PLPPR1: variants seen among roughly 807,000 people sequenced by gnomAD.
PLPPR1 encodes phospholipid phosphatase related 1.
PLPPR1 carries 10 observed loss-of-function variants against 33.1 expected under a neutral mutation model. The ratio of observed to expected loss-of-function variants is 0.30; its 90% CI spans 0.19 to 0.51. PLPPR1 has a LOEUF of 0.51. Ranked by LOEUF, PLPPR1 falls within the 20% of genes least tolerant of loss-of-function variation. PLPPR1 has a pLI of 0.97. For synonymous variants in PLPPR1, 151 were observed against 151.0 expected (o/e 1.00, Z 0.00); for missense variants, 304 against 408.1 (o/e 0.74, Z 2.20).
chr9:101,048,324 C>T (rs2118437357), intron 1 of PLPPR1, among the ~76,000 whole-genome samples: 1 of 152,256 alleles, frequency 6.6e-6, no homozygotes, highest in South Asian at 2.1e-4. Context: ...AGACAAAAGG[C>T]ATAGACATAA....
intron 1 of PLPPR1, among the ~76,000 whole-genome samples, chr9:101,164,123 A>T (rs1240450174): frequency 1.3e-5 from 2 of 152,216 alleles, no homozygotes; most frequent in African/African-American, 2.4e-5. Context: ...CCTTTTTTTT[A>T]AATTATTTTT....
intron 1 of PLPPR1, among the ~76,000 whole-genome samples, chr9:101,162,119 AGAT>A (rs1316320930): frequency 1.5e-4 from 23 of 148,896 alleles, no homozygotes; most frequent in African/African-American, 5.4e-4. Context: ...AAAAAAAAAA[AGAT>A]AATATTATTT....
In PLPPR1 at chr9:101,055,656, G is replaced by A. The variant is rs189621386; in HGVS notation, c.-46+26554G>A. Among the ~76,000 whole-genome samples, 7 of 152,192 alleles carry A rather than the reference G, an allele frequency of 4.6e-5. No homozygotes were observed. The South Asian group carries it at 6.2e-4, about 14-fold the overall frequency. On this transcript the variant is annotated intron_variant, in intron 1 of 7. Transcript: ENST00000374874. Reference sequence around the variant, plus strand: ...AATCACTTACAGATATTTTCATCACGCACACAGAAGCTCTTTATGTCATAA... The same window carrying A: ...AATCACTTACAGATATTTTCATCACACACACAGAAGCTCTTTATGTCATAA...
intron 1 of PLPPR1, among the ~76,000 whole-genome samples, chr9:101,163,928 A>T (rs895605313): frequency 6.6e-6 from 1 of 152,174 alleles, no homozygotes; most frequent in African/African-American, 2.4e-5. Context: ...AAATATCGTC[A>T]TTGAATGTAT....
At chr9:101,209,315 CAA>C (rs1365159291) in intron 2 of PLPPR1, among the ~76,000 whole-genome samples, 1 of 152,226 alleles carries the variant, frequency 6.6e-6, no homozygotes, top group Non-Finnish European at 1.5e-5. Context: ...TCTGTGGATT[CAA>C]AGAGGTGGAC....
At chr9:101,082,091 G>T (rs1830626068) in intron 1 of PLPPR1, among the ~76,000 whole-genome samples, 1 of 152,212 alleles carries the variant, frequency 6.6e-6, no homozygotes, top group African/African-American at 2.4e-5. Context: ...GGAGGATGTA[G>T]TGGCTGTCAG....
intron 2 of PLPPR1, among the ~76,000 whole-genome samples, chr9:101,194,309 A>G (rs531219923): frequency 2.4e-4 from 37 of 152,344 alleles, no homozygotes; most frequent in Non-Finnish European, 4.9e-4. Flanking sequence ...CATAACTGAT[A>G]TAGTTGAAGC....
At chr9:101,174,808 C>T (rs1272946801) in intron 1 of PLPPR1, among the ~76,000 whole-genome samples, 5 of 152,110 alleles carry the variant, frequency 3.3e-5, no homozygotes, top group African/African-American at 1.2e-4. Flanking sequence ...AAGTCTGATT[C>T]ATAATATATT....
At chr9:101,293,452 C>A (rs1453441996) in intron 4 of PLPPR1, among the ~76,000 whole-genome samples, 3 of 151,904 alleles carry the variant, frequency 2.0e-5, no homozygotes, top group Non-Finnish European at 4.4e-5. Context: ...ACCAAGCAGA[C>A]CTAATAGACA....
intron 2 of PLPPR1, among the ~76,000 whole-genome samples, chr9:101,249,038 G>A (rs1232984294): frequency 1.3e-5 from 2 of 152,070 alleles, no homozygotes; most frequent in Non-Finnish European, 2.9e-5. Context: ...TGTGAGTTAG[G>A]TAGAACCACC....
At chr9:101,089,356 A>C (rs1830715968) in intron 1 of PLPPR1, among the ~76,000 whole-genome samples, 3 of 152,166 alleles carry the variant, frequency 2.0e-5, no homozygotes, top group Admixed American at 2.0e-4. Context: ...TTAACCAAAC[A>C]CATTGTTATT....
chr9:101,221,694 A>T (rs958523140), intron 2 of PLPPR1, among the ~76,000 whole-genome samples: 1 of 152,176 alleles, frequency 6.6e-6, no homozygotes. Flanking sequence ...GCCCCAAATC[A>T]TACCACCTGC....
At chr9:101,150,499 T>A (rs1831568524) in intron 1 of PLPPR1, among the ~76,000 whole-genome samples, 1 of 152,232 alleles carries the variant, frequency 6.6e-6, no homozygotes, top group South Asian at 2.1e-4. Context: ...GCAACTTTAG[T>A]TGAGCCTTCT....
intron 6 of PLPPR1, among the ~76,000 whole-genome samples, chr9:101,315,401 G>A (rs1179803321): frequency 2.6e-5 from 4 of 152,268 alleles, no homozygotes; most frequent in South Asian, 2.1e-4. Flanking sequence ...TTCTAAAGCC[G>A]CCATCCCCAG....
At chr9:101,247,637 C>A (rs1054853962) in intron 2 of PLPPR1, among the ~76,000 whole-genome samples, 25 of 151,962 alleles carry the variant, frequency 1.6e-4, no homozygotes, top group Non-Finnish European at 3.4e-4. Flanking sequence ...TTGCCTTTCA[C>A]CCATTTACTA....
chr9:101,067,230 C>A (rs35939141), intron 1 of PLPPR1, among the ~76,000 whole-genome samples: 3,809 of 88,468 alleles, frequency 0.043, 83 homozygotes, highest in East Asian at 0.22. Flanking sequence ...CAGTACAAGT[C>A]ACCAAAAAAA....
At chr9:101,077,030 C>A (rs1175873646) in intron 1 of PLPPR1, among the ~76,000 whole-genome samples, 1 of 152,176 alleles carries the variant, frequency 6.6e-6, no homozygotes, top group African/African-American at 2.4e-5. Flanking sequence ...GGAGGTGTTA[C>A]CTCTTGTCAT....
At chr9:101,146,771 T>C (rs1036856646) in intron 1 of PLPPR1, among the ~76,000 whole-genome samples, 12 of 152,190 alleles carry the variant, frequency 7.9e-5, no homozygotes, top group African/African-American at 2.9e-4. Context: ...CAGGCCATCA[T>C]CCTAGGGTCA....
chr9:101,035,587 C>G (rs1373078465), intron 1 of PLPPR1, among the ~76,000 whole-genome samples: 1 of 152,140 alleles, frequency 6.6e-6, no homozygotes, highest in Non-Finnish European at 1.5e-5. Flanking sequence ...CCTCTTAACT[C>G]TAAGGTTGGC....
Sources: allele counts gnomAD v4.1 joint callset (sites outside exome capture counted in the v4.1 genomes callset), GRCh38; gene constraint gnomAD v4.1.1; transcripts MANE v1.5; gene names NCBI Gene and HGNC (gene_info 2026-07-23, HGNC 2026-07-21).